The following ASIC2 variants were observed in gnomAD, a reference collection of about 807,000 sequenced individuals.
ASIC2 encodes acid sensing ion channel subunit 2.
In ASIC2, 25 loss-of-function variants were observed where a neutral mutation model predicts 57.3. The ratio of observed to expected loss-of-function variants is 0.44; its 90% CI spans 0.32 to 0.61. ASIC2 has a LOEUF of 0.61. Ranked by LOEUF, ASIC2 falls within the 20% of genes least tolerant of loss-of-function variation. The pLI is 0.06. For synonymous variants in ASIC2, 319 were observed against 307.5 expected (o/e 1.04, Z -0.39); for missense variants, 641 against 738.1 (o/e 0.87, Z 1.52).
intron 1 of ASIC2, among the ~76,000 whole-genome samples, chr17:33,589,675 C>T (rs1904764903): frequency 6.6e-6 from 1 of 152,140 alleles, no homozygotes; most frequent in South Asian, 2.1e-4. Context: ...AGGATTCATC[C>T]AAGTTGTATT....
At chr17:33,929,565 C>T (rs930769778) in intron 1 of ASIC2, among the ~76,000 whole-genome samples, 1 of 152,206 alleles carries the variant, frequency 6.6e-6, no homozygotes, top group African/African-American at 2.4e-5. Flanking sequence ...CAACAAATCT[C>T]GTGGGCTCTG....
chr17:33,619,414 A>G (rs910303239), intron 1 of ASIC2, among the ~76,000 whole-genome samples: 39 of 148,566 alleles, frequency 2.6e-4, no homozygotes, highest in African/African-American at 9.2e-4. Flanking sequence ...TTTTAAGGGG[A>G]AAAAAGGTGC....
At chr17:33,747,389 A>G (rs1910300954) in intron 1 of ASIC2, among the ~76,000 whole-genome samples, 1 of 151,784 alleles carries the variant, frequency 6.6e-6, no homozygotes, top group East Asian at 1.9e-4. Context: ...ACGCCCAGCT[A>G]ATTTTTGTAT....
chr17:33,885,275 T>C (rs934200698), intron 1 of ASIC2, among the ~76,000 whole-genome samples: 1 of 152,194 alleles, frequency 6.6e-6, no homozygotes. Context: ...GTCTATACTT[T>C]TCTCTGTAAA....
At chr17:33,559,415 C>G (rs921767039) in intron 1 of ASIC2, among the ~76,000 whole-genome samples, 2 of 152,160 alleles carry the variant, frequency 1.3e-5, no homozygotes, top group Non-Finnish European at 2.9e-5. Context: ...GGCTCTGCCC[C>G]TCTACATCAC....
At chr17:33,879,204 G>A (rs1457910153) in intron 1 of ASIC2, among the ~76,000 whole-genome samples, 7 of 152,144 alleles carry the variant, frequency 4.6e-5, no homozygotes, top group East Asian at 3.8e-4. Flanking sequence ...ATCAACTAAC[G>A]AGCAAAATAA....
Position 33,839,390 on chromosome 17 carries a change from C to T in ASIC2, c.555+316588G>A, listed in dbSNP as rs911240031. Among the ~76,000 whole-genome samples the T allele has an allele frequency of 6.6e-5, 10 of 152,204 alleles. No individual in the cohort carries two copies. In the South Asian group the frequency reaches 1.4e-3, roughly 22 times the overall value. On this transcript the variant is annotated intron_variant, in intron 1 of 9. Transcript: ENST00000359872. The stretch of plus-strand genomic sequence containing the variant: ...ACACCCAGAGTCCCACAGTTCCTAG[C>T]ATTCTCCAAGACATCTAGACAATGC...
intron 3 of ASIC2, among the ~76,000 whole-genome samples, chr17:33,081,506 T>C (rs994112549): frequency 4.0e-5 from 6 of 151,694 alleles, no homozygotes; most frequent in African/African-American, 1.5e-4. Flanking sequence ...TGCGGCTCCA[T>C]CTTTGGCCAT....
At chr17:33,223,741 A>G (rs187798446) in intron 1 of ASIC2, among the ~76,000 whole-genome samples, 4 of 152,360 alleles carry the variant, frequency 2.6e-5, no homozygotes, top group African/African-American at 9.6e-5. Context: ...CGGCTCTCTT[A>G]GAAATGGGGT....
chr17:33,220,793 C>T (rs553256976), intron 1 of ASIC2, among the ~76,000 whole-genome samples: 48 of 152,226 alleles, frequency 3.2e-4, no homozygotes, highest in African/African-American at 1.1e-3. Flanking sequence ...TAGGGCCAGG[C>T]GCCGTGGCTC....
At chr17:33,196,196 G>A (rs753564840) in intron 1 of ASIC2, among the ~76,000 whole-genome samples, 2 of 152,150 alleles carry the variant, frequency 1.3e-5, no homozygotes, top group Non-Finnish European at 2.9e-5. Context: ...GTGGAACTTG[G>A]AGAGGTTAAA....
intron 1 of ASIC2, among the ~76,000 whole-genome samples, chr17:33,491,062 T>C (rs1597749151): frequency 6.6e-6 from 1 of 152,316 alleles, no homozygotes; most frequent in East Asian, 1.9e-4. Context: ...CCCCTGTTCC[T>C]CTTCCTCTGC....
chr17:33,116,238 G>T (rs914507804), intron 1 of ASIC2, among the ~76,000 whole-genome samples: 1 of 152,158 alleles, frequency 6.6e-6, no homozygotes, highest in Non-Finnish European at 1.5e-5. Flanking sequence ...TTTTTTCAGA[G>T]GATTATTTTC....
intron 1 of ASIC2, among the ~76,000 whole-genome samples, chr17:33,198,397 G>T (rs1421337314): frequency 1.3e-5 from 2 of 152,138 alleles, no homozygotes; most frequent in African/African-American, 4.8e-5. Flanking sequence ...TTGTTGCATG[G>T]GTCAATCAGT....
At chr17:33,380,369 C>T (rs1909444960) in intron 1 of ASIC2, among the ~76,000 whole-genome samples, 1 of 151,132 alleles carries the variant, frequency 6.6e-6, no homozygotes, top group East Asian at 1.9e-4. Flanking sequence ...GATGCGTAAA[C>T]ATTGATTAAG....
chr17:33,506,793 A>C (rs182395588), intron 1 of ASIC2, among the ~76,000 whole-genome samples: 9 of 152,286 alleles, frequency 5.9e-5, no homozygotes, highest in Admixed American at 2.0e-4. Context: ...CTCTGAGTCA[A>C]TGTAAATAAA....
intron 1 of ASIC2, among the ~76,000 whole-genome samples, chr17:33,231,294 C>T (rs1305068357): frequency 6.6e-6 from 1 of 152,178 alleles, no homozygotes; most frequent in South Asian, 2.1e-4. Flanking sequence ...CAGGCCTAGG[C>T]CTAATATCTG....
intron 1 of ASIC2, among the ~76,000 whole-genome samples, chr17:33,608,467 GATTTT>G (rs1905292841): frequency 6.6e-6 from 1 of 152,128 alleles, no homozygotes; most frequent in Non-Finnish European, 1.5e-5. Context: ...TAGGTATGTG[GATTTT>G]TAACTGGGTG....
intron 1 of ASIC2, among the ~76,000 whole-genome samples, chr17:34,092,577 A>G (rs1311480149): frequency 6.6e-6 from 1 of 152,220 alleles, no homozygotes; most frequent in African/African-American, 2.4e-5. Context: ...CTTTGGAAAG[A>G]GACTCACGTG....
Sources: gnomAD v4.1 joint callset for allele counts (sites outside exome capture counted in the v4.1 genomes callset) on GRCh38, gnomAD v4.1.1 for gene constraint, MANE v1.5 for transcripts, NCBI Gene and HGNC (gene_info 2026-07-23, HGNC 2026-07-21) for gene names.